BBS7: variants seen among roughly 807,000 people sequenced by gnomAD.
BBS7 encodes the protein BBSome complex member BBS7.
In BBS7, 50 loss-of-function variants were observed where a neutral mutation model predicts 90.3. That is an observed-to-expected ratio of 0.55 (90% CI 0.44 to 0.70). The LOEUF is 0.70. Among genes scored for constraint, BBS7 ranks in the 30% least tolerant of loss-of-function variants. BBS7 has a pLI of 0.00. For missense variants in BBS7, 729 were observed against 838.9 expected (o/e 0.87, Z 1.62); for synonymous variants, 235 against 287.4 (o/e 0.82, Z 1.85).
intron 13 of BBS7, among the ~76,000 whole-genome samples, 171 bp from the exon 14 acceptor site, chr4:121,835,454 A>G (rs1019136842): frequency 6.6e-6 from 1 of 152,180 alleles, no homozygotes; most frequent in African/African-American, 2.4e-5. Context: ...CTCTGTTCCA[A>G]TTCATGGGAC....
chr4:121,849,921 T>G (rs1241330447), intron 8 of BBS7, among the ~76,000 whole-genome samples: 4 of 152,206 alleles, frequency 2.6e-5, no homozygotes, highest in Non-Finnish European at 5.9e-5. Context: ...ATCTCTTATG[T>G]GTATTCTCAA....
At chr4:121,861,093 T>TA (rs1219768782) in intron 4 of BBS7, among the ~76,000 whole-genome samples, 7 of 152,202 alleles carry the variant, frequency 4.6e-5, no homozygotes, top group Admixed American at 4.6e-4. Context: ...ATATTTCACT[T>TA]AGAGTCTTAC....
intron 15 of BBS7, among the ~76,000 whole-genome samples, chr4:121,829,237 CTTT>C (rs58186352): frequency 5.9e-5 from 8 of 136,416 alleles, no homozygotes; most frequent in Admixed American, 7.4e-5. Context: ...CATTATTTTT[CTTT>C]TTTTTTTTTT....
chr4:121,832,695 C>T (rs2149053565), intron 15 of BBS7, among the ~76,000 whole-genome samples: 1 of 152,196 alleles, frequency 6.6e-6, no homozygotes, highest in East Asian at 1.9e-4. Context: ...ATTTTCTAAG[C>T]CCTGAAGTTC....
At chr4:121,837,397 C>A (rs1307483611) in intron 13 of BBS7, among the ~76,000 whole-genome samples, 1 of 152,062 alleles carries the variant, frequency 6.6e-6, no homozygotes, top group African/African-American at 2.4e-5. Context: ...AGTCTTCTTT[C>A]TTTAAATAAG....
chr4:121,860,347 G>A (rs1283413395), intron 4 of BBS7, among the ~76,000 whole-genome samples: 1 of 152,106 alleles, frequency 6.6e-6, no homozygotes, highest in Non-Finnish European at 1.5e-5. Context: ...GGTGACTAAT[G>A]TTAAGTGGTC....
intron 15 of BBS7, among the ~76,000 whole-genome samples, chr4:121,831,404 G>A (rs1480360585): frequency 6.6e-6 from 1 of 151,906 alleles, no homozygotes; most frequent in African/African-American, 2.4e-5. Flanking sequence ...GCTGAGGCAG[G>A]AGGATTGCTT....
At chr4:121,850,145 G>T (rs1726239169) in intron 8 of BBS7, among the ~76,000 whole-genome samples, 2 of 151,028 alleles carry the variant, frequency 1.3e-5, no homozygotes. Flanking sequence ...TAAAATAATT[G>T]TAGGGAGCTG....
intron 13 of BBS7, 144 bp downstream of exon 13, chr4:121,839,487 C>A: frequency 1.4e-6 from 1 of 696,818 alleles, no homozygotes; most frequent in Non-Finnish European, 2.6e-6. Flanking sequence ...TACATCCTAA[C>A]TGGTCATTCA....
intron 2 of BBS7, among the ~76,000 whole-genome samples, chr4:121,863,872 G>A (rs1727117550): frequency 6.6e-6 from 1 of 152,066 alleles, no homozygotes; most frequent in African/African-American, 2.4e-5. Context: ...TAAATATAGA[G>A]GGACATTTTA....
chr4:121,867,964 C>A lies in BBS7; in HGVS notation c.102+17G>T. Reference sequence around the variant, plus strand: ...CACTGCTAGGGAATAGTGGAGAAATCAGAATCTATACAGTACCTTTTGTGT... The same window carrying A: ...CACTGCTAGGGAATAGTGGAGAAATAAGAATCTATACAGTACCTTTTGTGT... On this transcript the variant is annotated intron_variant, in intron 2 of 18. Transcript: ENST00000264499. 6.2e-7 allele frequency: 1 copy of A among 1,602,110 alleles called. No homozygotes were observed. Among genetic ancestry groups the A allele is most frequent in the Non-Finnish European group, 8.6e-7 (1 of 1,169,372 alleles).
chr4:121,828,519 A>C lies in BBS7; in HGVS notation c.1787-14T>G. 6.3e-7 allele frequency: 1 copy of C among 1,597,594 alleles called. No homozygotes were observed. Among genetic ancestry groups the C allele is most frequent in the Middle Eastern group, 1.7e-4 (1 of 6,024 alleles). ...CTTCATTTATCTCTAGAAGGAGTTG[A>C]CCAGATGCAGTTAGATAAATCACTT... is the stretch of plus-strand genomic sequence containing the variant. On this transcript the variant is annotated splice_polypyrimidine_tract_variant and intron_variant, in intron 16 of 18. Coordinates refer to ENST00000264499, the MANE Select transcript of BBS7 (RefSeq NM_176824.3).
intron 5 of BBS7, among the ~76,000 whole-genome samples, chr4:121,856,892 C>T (rs1029037429): frequency 6.6e-6 from 1 of 151,724 alleles, no homozygotes; most frequent in African/African-American, 2.4e-5. Flanking sequence ...GTCTCAGCTG[C>T]CCGAGTAGCT....
Position 121,868,022 on chromosome 4 carries a change from T to C in BBS7, c.61A>G (p.Met21Val), listed in dbSNP as rs1353055258. The stretch of plus-strand genomic sequence containing the variant: ...TGTCTTGAGGCAGGAATTAGCTTCA[T>C]AGTCTTCTGAGATGTTACTCCCACC... Reference protein sequence around the residue: ...LQVGVTSQKTMKLIPASRHRA... With the variant: ...LQVGVTSQKTVKLIPASRHRA... Residue 21 changes from methionine (M) to valine (V), a missense_variant, in exon 2 of 19, where the codon ATG becomes GTG. Transcript: ENST00000264499. 3.1e-6 allele frequency: 5 copies of C among 1,613,532 alleles called. No individual in the cohort carries two copies. Among genetic ancestry groups the C allele is most frequent in the Admixed American group, 1.7e-5 (1 of 60,006 alleles).
chr4:121,844,117 A>G (rs1372343138), intron 11 of BBS7, 116 bp from the exon 12 acceptor site: 2 of 671,576 alleles, frequency 3.0e-6, no homozygotes, highest in Non-Finnish European at 5.2e-6. Flanking sequence ...TTTAAATTTG[A>G]GAGTATGAAT....
rs993418372 is a variant in BBS7, at chr4:121,867,883, G to C, written c.102+98C>G. The C allele has an allele frequency of 3.8e-6, 4 of 1,053,328 alleles. No individual in the cohort carries two copies. The African/African-American group carries it at 6.4e-5, about 17-fold the overall frequency. 65.2% of individuals were successfully genotyped at this position (1,053,328 alleles called of 1,614,324 possible). On this transcript the variant is annotated intron_variant, in intron 2 of 18. Transcript: ENST00000264499. The stretch of plus-strand genomic sequence containing the variant: ...AAAATTCATTTCCATTTTAACATTA[G>C]CATTTTTAAGAGAATAACTTAATAA...
chr4:121,840,467 A>AATCTTCTT (rs1424439708), intron 12 of BBS7, among the ~76,000 whole-genome samples: 1 of 152,234 alleles, frequency 6.6e-6, no homozygotes, highest in Non-Finnish European at 1.5e-5. Flanking sequence ...TTTTTCACAA[A>AATCTTCTT]TACTTATACA....
intron 15 of BBS7, among the ~76,000 whole-genome samples, chr4:121,832,290 C>G (rs1213409264): frequency 1.3e-5 from 2 of 152,150 alleles, no homozygotes; most frequent in Non-Finnish European, 2.9e-5. Context: ...CCACTGCACT[C>G]TAACCTGGGT....
In BBS7 at chr4:121,828,197, G is replaced by T; in HGVS notation, c.1963C>A (p.His655Asn). ...TGCTTTTTGTATTCTTCCTGTAGGT[G>T]ATCTGCCTCTTCTAGAATACAGTGA... is the stretch of plus-strand genomic sequence containing the variant. ...EYHCILEEAD[H>N]LQEEYKKQPA... The change falls in exon 18 of 19, where the codon CAC becomes AAC. Residue 655 changes from histidine to asparagine, a missense_variant. Transcript: ENST00000264499. 1.2e-6 allele frequency: 2 copies of T among 1,613,800 alleles called. No homozygotes were observed. The highest frequency in any genetic ancestry group is 1.7e-4 in the Middle Eastern group (1 of 6,058).
Sources: allele counts gnomAD v4.1 joint callset (sites outside exome capture counted in the v4.1 genomes callset), GRCh38; gene constraint gnomAD v4.1.1; transcripts MANE v1.5; gene names NCBI Gene and HGNC (gene_info 2026-07-23, HGNC 2026-07-21).